The following RXFP1 variants were observed in gnomAD, a reference collection of about 807,000 sequenced individuals.
The protein encoded by RXFP1 is relaxin family peptide receptor 1.
In RXFP1, 73 loss-of-function variants were observed where a neutral mutation model predicts 89.8. That is an observed-to-expected ratio of 0.81 (90% confidence interval 0.67 to 0.99). RXFP1 has a LOEUF of 0.99. Ranked by LOEUF, RXFP1 falls within the 50% of genes least tolerant of loss-of-function variation. The probability of loss-of-function intolerance (pLI) is 0.00; values close to 1 mark genes in which losing one functional copy is unlikely to be tolerated. For synonymous variants in RXFP1, 277 were observed against 305.5 expected (o/e 0.91, Z 0.97); for missense variants, 793 against 895.5 (o/e 0.89, Z 1.46).
chr4:158,646,743 A>T (rs552684155), intron 15 of RXFP1, 48 bp from the exon 16 acceptor site: 10 of 1,501,392 alleles, frequency 6.7e-6, no homozygotes, highest in South Asian at 2.8e-5. Context: ...TGATGATTTT[A>T]TGATACCTAT....
At chr4:158,627,551 T>G (rs1185946745) in intron 10 of RXFP1, among the ~76,000 whole-genome samples, 3 of 135,732 alleles carry the variant, frequency 2.2e-5, no homozygotes, top group Non-Finnish European at 4.6e-5. Context: ...GTGTGTGTGT[T>G]TTATGATCCA....
chr4:158,613,028 A>T (rs975506897), intron 8 of RXFP1, among the ~76,000 whole-genome samples: 33 of 152,186 alleles, frequency 2.2e-4, no homozygotes, highest in African/African-American at 7.5e-4. Context: ...AGTCACACAA[A>T]TTTTTTTGGT....
chr4:158,647,118 G>T lies in RXFP1; in HGVS notation c.1673G>T (p.Gly558Val). The change falls in exon 16 of 18, where the codon GGC becomes GTC. Residue 558 changes from glycine (G) to valine (V), a missense_variant. Transcript: ENST00000307765. ...SNKEFFKNYY[G>V]TNGVCFPLHS... ...AAGGAATTTTTCAAAAACTACTATG[G>T]CACCAATGGAGTATGCTTCCCTCTT... is the stretch of plus-strand genomic sequence containing the variant. 2 of 1,613,956 alleles carry T rather than the reference G, an allele frequency of 1.2e-6. No individual in the cohort carries two copies.
intron 1 of RXFP1, among the ~76,000 whole-genome samples, chr4:158,536,328 T>C (rs183650907): frequency 1.3e-5 from 2 of 152,328 alleles, no homozygotes; most frequent in Non-Finnish European, 2.9e-5. Context: ...GTTTAATGCA[T>C]GGGTGTAAAT....
rs890641904 is a variant in RXFP1, at chr4:158,647,067, T to C, written c.1622T>C (p.Ile541Thr). The change falls in exon 16 of 18, where the codon ATA becomes ACA. Residue 541 changes from isoleucine to threonine, a missense_variant. Physicochemically the swap from Ile to Thr is moderately conservative, Grantham distance 89. Coordinates refer to ENST00000307765, the MANE Select transcript of RXFP1 (RefSeq NM_021634.4). ...VLILIWITGF[I>T]VAFIPLSNKE... ...ATTCTCATTTGGATTACTGGTTTTA[T>C]AGTGGCTTTCATTCCATTGAGCAAT... The C allele has an allele frequency of 1.2e-6, 2 of 1,614,202 alleles. No homozygotes were observed. The highest frequency in any genetic ancestry group is 1.6e-4 in the Middle Eastern group (1 of 6,062).
chr4:158,542,109 A>ATATATATTTT, intron 1 of RXFP1, among the ~76,000 whole-genome samples: 2,418 of 34,696 alleles, frequency 0.07, 389 homozygotes, highest in East Asian at 0.43. Context: ...ATATATATAT[A>ATATATATTTT]TTTTTTTTTT....
At chr4:158,603,124 G>A (rs901578574) in intron 4 of RXFP1, among the ~76,000 whole-genome samples, 7 of 151,870 alleles carry the variant, frequency 4.6e-5, no homozygotes, top group South Asian at 2.1e-4. Context: ...TAGAGATGGC[G>A]GTGGGGGGGC....
At chr4:158,579,411 G>T (rs1162074257) in intron 2 of RXFP1, among the ~76,000 whole-genome samples, 1 of 152,144 alleles carries the variant, frequency 6.6e-6, no homozygotes, top group Non-Finnish European at 1.5e-5. Flanking sequence ...GGAACTACAG[G>T]CGCATGCCAC....
intron 3 of RXFP1, among the ~76,000 whole-genome samples, chr4:158,595,220 A>T (rs1345842520): frequency 1.3e-5 from 2 of 152,184 alleles, no homozygotes; most frequent in Admixed American, 1.3e-4. Flanking sequence ...GTTTTGTACA[A>T]CTTATATCAC....
intron 1 of RXFP1, chr4:158,543,655 C>T (rs1747417142): frequency 1.8e-6 from 1 of 570,152 alleles, no homozygotes; most frequent in Non-Finnish European, 2.2e-6. Flanking sequence ...TTATTTATTC[C>T]CCACTTCTCT....
intron 5 of RXFP1, among the ~76,000 whole-genome samples, chr4:158,607,408 G>A (rs1762724213): frequency 6.6e-6 from 1 of 152,072 alleles, no homozygotes. Flanking sequence ...TCAAATTAAT[G>A]AGATCAAAAT....
At chr4:158,521,862 T>C, upstream of RXFP1, 1 of 624,326 alleles carries the variant, frequency 1.6e-6, no homozygotes, top group Admixed American at 3.0e-5. Context: ...GACTGCTTTG[T>C]AACTGCTAAG....
intron 10 of RXFP1, 90 bp downstream of exon 10, chr4:158,626,981 A>G (rs1766979204): frequency 1.8e-6 from 1 of 571,280 alleles, no homozygotes; most frequent in East Asian, 3.5e-5. Flanking sequence ...AAAATCCCAA[A>G]GAACATCAAG....
At chr4:158,522,389 AG>A (rs1171081129) in intron 1 of RXFP1, among the ~76,000 whole-genome samples, 1 of 152,226 alleles carries the variant, frequency 6.6e-6, no homozygotes, top group Non-Finnish European at 1.5e-5. Context: ...CATTTGTGCC[AG>A]TTTCTGTATA....
chr4:158,607,886 C>T, intron 5 of RXFP1, 86 bp from the exon 6 acceptor site: 1 of 821,524 alleles, frequency 1.2e-6, no homozygotes, highest in South Asian at 1.6e-5. Context: ...GCTACCATCA[C>T]CATCATCCAT....
intron 1 of RXFP1, among the ~76,000 whole-genome samples, chr4:158,538,704 T>G (rs1367828978): frequency 6.7e-6 from 1 of 149,470 alleles, no homozygotes; most frequent in East Asian, 2.0e-4. Context: ...TCCCAGCTAC[T>G]GGGGAGGCTG....
chr4:158,617,427 ATAT>A (rs1561137283), intron 9 of RXFP1, among the ~76,000 whole-genome samples: 4 of 139,530 alleles, frequency 2.9e-5, no homozygotes, highest in African/African-American at 8.6e-5. Flanking sequence ...CTCAAAAAAA[ATAT>A]ATATATATAT....
intron 2 of RXFP1, among the ~76,000 whole-genome samples, chr4:158,589,015 G>A (rs910838228): frequency 6.6e-6 from 1 of 152,142 alleles, no homozygotes; most frequent in African/African-American, 2.4e-5. Flanking sequence ...AAGGAAAAGA[G>A]GTTTAATTGA....
At chr4:158,579,420 A>T (rs2150021731) in intron 2 of RXFP1, among the ~76,000 whole-genome samples, 1 of 152,264 alleles carries the variant, frequency 6.6e-6, no homozygotes, top group Non-Finnish European at 1.5e-5. Context: ...GGCGCATGCC[A>T]CCACCCCCAG....
Sources: allele counts gnomAD v4.1 joint callset (sites outside exome capture counted in the v4.1 genomes callset), GRCh38; gene constraint gnomAD v4.1.1; transcripts MANE v1.5; gene names NCBI Gene and HGNC (gene_info 2026-07-23, HGNC 2026-07-21).